VWC2L: variants seen among roughly 807,000 people sequenced by gnomAD.
The protein encoded by VWC2L is von Willebrand factor C domain containing 2 like.
VWC2L carries 10 observed loss-of-function variants against 21.6 expected under a neutral mutation model. The ratio of observed to expected loss-of-function variants is 0.46; its 90% CI spans 0.29 to 0.78. The LOEUF (loss-of-function observed/expected upper bound fraction) is 0.78. Among genes scored for constraint, VWC2L ranks in the 30% least tolerant of loss-of-function variants. VWC2L has a pLI of 0.10. For missense variants in VWC2L, 209 were observed against 277.1 expected (o/e 0.75, Z 1.74); for synonymous variants, 96 against 94.3 (o/e 1.02, Z -0.10).
intron 3 of VWC2L, among the ~76,000 whole-genome samples, chr2:214,543,167 A>G (rs891141519): frequency 2.6e-5 from 4 of 152,196 alleles, no homozygotes; most frequent in Non-Finnish European, 5.9e-5. Flanking sequence ...CTAACCTCCC[A>G]TTCTGATACA....
At chr2:214,505,530 C>A (rs1420586138) in intron 3 of VWC2L, among the ~76,000 whole-genome samples, 1 of 151,584 alleles carries the variant, frequency 6.6e-6, no homozygotes, top group Non-Finnish European at 1.5e-5. Context: ...ATAATCAGGT[C>A]CTTGCACAGT....
At chr2:214,523,726 G>T (rs1181687949) in intron 3 of VWC2L, among the ~76,000 whole-genome samples, 2 of 152,048 alleles carry the variant, frequency 1.3e-5, no homozygotes, top group African/African-American at 4.8e-5. Context: ...GTAATTACTC[G>T]GGAGGCTGAG....
At chr2:214,433,608 A>G (rs902500202) in intron 2 of VWC2L, among the ~76,000 whole-genome samples, 21 of 152,230 alleles carry the variant, frequency 1.4e-4, no homozygotes, top group African/African-American at 3.9e-4. Context: ...TGCTTAAGAT[A>G]TAAAGATTTA....
At chr2:214,564,100 A>G (rs1443876243) in intron 3 of VWC2L, among the ~76,000 whole-genome samples, 1 of 152,184 alleles carries the variant, frequency 6.6e-6, no homozygotes, top group Non-Finnish European at 1.5e-5. Context: ...ACCTAGAAAT[A>G]CAGCTAACAA....
intron 3 of VWC2L, among the ~76,000 whole-genome samples, chr2:214,484,516 G>C (rs1399372704): frequency 6.6e-6 from 1 of 152,084 alleles, no homozygotes; most frequent in East Asian, 1.9e-4. Flanking sequence ...ATGAACAATG[G>C]CATACACTTA....
chr2:214,437,365 T>G (rs1273460445), intron 3 of VWC2L, among the ~76,000 whole-genome samples: 2 of 152,154 alleles, frequency 1.3e-5, no homozygotes, highest in Non-Finnish European at 2.9e-5. Context: ...GGTTCCTTTT[T>G]GTCCCTCATG....
intron 2 of VWC2L, among the ~76,000 whole-genome samples, chr2:214,427,566 CATT>C (rs1449600652): frequency 1.3e-5 from 2 of 152,138 alleles, no homozygotes; most frequent in East Asian, 1.9e-4. Flanking sequence ...TGAGTGCAAA[CATT>C]GTTGTGTTTT....
At chr2:214,425,203 A>C (rs558679136) in intron 2 of VWC2L, among the ~76,000 whole-genome samples, 2 of 152,234 alleles carry the variant, frequency 1.3e-5, no homozygotes, top group African/African-American at 4.8e-5. Context: ...TTCCCTTTCT[A>C]CTTCTCTCAA....
intron 3 of VWC2L, chr2:214,473,651 T>C (rs1256172954): frequency 6.6e-6 from 1 of 152,046 alleles, no homozygotes; most frequent in East Asian, 1.9e-4. Flanking sequence ...ATGTCCAGTT[T>C]TGGGGAAGGC....
At chr2:214,555,639 G>A (rs1465331605) in intron 3 of VWC2L, among the ~76,000 whole-genome samples, 2 of 152,176 alleles carry the variant, frequency 1.3e-5, no homozygotes, top group Non-Finnish European at 2.9e-5. Context: ...AAGAGTGGCA[G>A]CATTTCTCCT....
chr2:214,566,307 A>C (rs959157298), intron 3 of VWC2L, among the ~76,000 whole-genome samples: 1 of 152,158 alleles, frequency 6.6e-6, no homozygotes, highest in African/African-American at 2.4e-5. Flanking sequence ...AATTTTCCTG[A>C]AATTAGGAAA....
chr2:214,491,345 C>G (rs548204518), intron 3 of VWC2L, among the ~76,000 whole-genome samples: 1 of 152,112 alleles, frequency 6.6e-6, no homozygotes, highest in South Asian at 2.1e-4. Context: ...TTGGTTCATG[C>G]GTCTGATTGA....
At chr2:214,527,449 T>A (rs757413917) in intron 3 of VWC2L, among the ~76,000 whole-genome samples, 91 of 152,196 alleles carry the variant, frequency 6.0e-4, no homozygotes, top group Non-Finnish European at 1.0e-3. Flanking sequence ...CTTTCCATTG[T>A]GCTTAGAATG....
intron 3 of VWC2L, among the ~76,000 whole-genome samples, chr2:214,560,439 T>C (rs1689948785): frequency 6.6e-6 from 1 of 152,214 alleles, no homozygotes; most frequent in Admixed American, 6.5e-5. Context: ...CCCATGTCCC[T>C]TTCCCTGAGT....
At chr2:214,491,742 C>T (rs1434330712) in intron 3 of VWC2L, among the ~76,000 whole-genome samples, 2 of 152,120 alleles carry the variant, frequency 1.3e-5, no homozygotes, top group Non-Finnish European at 2.9e-5. Context: ...AGTCCCAGTT[C>T]CATTGCTTCT....
Position 214,522,304 on chromosome 2 carries a change from G to A in VWC2L, c.521-53368G>A, listed in dbSNP as rs1396672931. ...GCAGGAGAATGGCGTGAACCCGGGA[G>A]GCGGAGCTTGCAGTGAGCCGAGATC... On this transcript the variant is annotated intron_variant, in intron 3 of 3. Coordinates refer to ENST00000312504, the MANE Select transcript of VWC2L (RefSeq NM_001080500.4). 4.6e-5 allele frequency among the ~76,000 whole-genome samples: 7 copies of A among 151,176 alleles called. No homozygotes were observed. In the East Asian group the frequency reaches 1.4e-3, roughly 30 times the overall value.
intron 2 of VWC2L, among the ~76,000 whole-genome samples, chr2:214,431,426 G>A (rs1037516602): frequency 3.3e-5 from 5 of 152,074 alleles, no homozygotes; most frequent in Non-Finnish European, 7.4e-5. Flanking sequence ...GATCATTTTT[G>A]CTTATTATGA....
chr2:214,574,820 C>T (rs1357665761), intron 3 of VWC2L, among the ~76,000 whole-genome samples: 1 of 151,648 alleles, frequency 6.6e-6, no homozygotes, highest in Non-Finnish European at 1.5e-5. Flanking sequence ...ACTGATATTC[C>T]TACGTTGGGA....
At chr2:214,538,201 C>T in intron 3 of VWC2L, among the ~76,000 whole-genome samples, 1 of 152,028 alleles carries the variant, frequency 6.6e-6, no homozygotes, top group East Asian at 1.9e-4. Flanking sequence ...TCATTGACAA[C>T]CGCTAAATGG....
Sources: gnomAD v4.1 joint callset for allele counts (sites outside exome capture counted in the v4.1 genomes callset) on GRCh38, gnomAD v4.1.1 for gene constraint, MANE v1.5 for transcripts, NCBI Gene and HGNC (gene_info 2026-07-23, HGNC 2026-07-21) for gene names.